The following SIPA1L3 variants were observed in gnomAD, a reference collection of about 807,000 sequenced individuals.
SIPA1L3 encodes signal induced proliferation associated 1 like 3.
A neutral mutation model predicts 150.1 loss-of-function variants in SIPA1L3; 59 were observed. The ratio of observed to expected loss-of-function variants is 0.39; its 90% CI spans 0.32 to 0.49. The LOEUF is 0.49. Among genes scored for constraint, SIPA1L3 ranks in the 20% least tolerant of loss-of-function variants. The pLI is 0.86. For synonymous variants in SIPA1L3, 1,070 were observed against 1,077.6 expected (o/e 0.99, Z 0.14); for missense variants, 2,211 against 2,489.5 (o/e 0.89, Z 2.38).
intron 3 of SIPA1L3, among the ~76,000 whole-genome samples, chr19:38,084,115 G>C (rs1166504999): frequency 1.4e-5 from 2 of 141,606 alleles, no homozygotes; most frequent in East Asian, 3.9e-4. Context: ...GGTATGGTCA[G>C]TCTTAAGCAT....
At chr19:37,937,000 C>T (rs763026985) in intron 1 of SIPA1L3, among the ~76,000 whole-genome samples, 3 of 152,134 alleles carry the variant, frequency 2.0e-5, no homozygotes, top group East Asian at 3.8e-4. Flanking sequence ...CACTGTGACA[C>T]TTAGGCTGGA....
Position 38,119,900 on chromosome 19 carries a change from G to A in SIPA1L3, c.2868+18G>A, listed in dbSNP as rs571821591. The A allele has an allele frequency of 4.4e-5, 69 of 1,565,138 alleles. No homozygotes were observed. In the South Asian group the frequency reaches 7.5e-4, roughly 17 times the overall value. Reference sequence around the variant, plus strand: ...GACTGAAGGTAAGGGAGAGAGCCCGGCGATAGGGCGGCGATTTGTATGGTT... The same window carrying A: ...GACTGAAGGTAAGGGAGAGAGCCCGACGATAGGGCGGCGATTTGTATGGTT... On this transcript the variant is annotated intron_variant, in intron 9 of 21. Transcript: ENST00000222345.
chr19:37,949,646 C>T (rs906896117), intron 1 of SIPA1L3, among the ~76,000 whole-genome samples: 8 of 146,450 alleles, frequency 5.5e-5, no homozygotes, highest in Admixed American at 2.0e-4. Context: ...GCCTGGGAGA[C>T]GAGAGAAACT....
At chr19:38,138,593 G>GCTCTCAACTTA (rs374059533) in intron 10 of SIPA1L3, among the ~76,000 whole-genome samples, 1 of 151,154 alleles carries the variant, frequency 6.6e-6, no homozygotes, top group Admixed American at 6.6e-5. Context: ...CCCTCCCACA[G>GCTCTCAACTTA]GGGGTTTTCG....
rs552925520 is a variant in SIPA1L3 at position 38,088,740 on chromosome 19, C to T, written c.1554C>T (p.Gly518=). 19 of 1,613,810 alleles carry T rather than the reference C, an allele frequency of 1.2e-5. No individual in the cohort carries two copies. The African/African-American group carries it at 1.5e-4, about 12-fold the overall frequency. ...TCTTAGAACATGCCAATTACTTCGG[C>T]GTGGATGAGAAGCTGGGGCCAGTGG... ...FVGKEHANYF[G]VDEKLGPVAV... The change falls in exon 4 of 22, where the codon GGC becomes GGT. Residue 518 remains glycine, a synonymous_variant. Transcript: ENST00000222345.
At chr19:37,923,210 G>C (rs1175154201) in intron 1 of SIPA1L3, among the ~76,000 whole-genome samples, 1 of 152,146 alleles carries the variant, frequency 6.6e-6, no homozygotes, top group African/African-American at 2.4e-5. Context: ...AATTAAACAG[G>C]CAAAGGGCCT....
At chr19:38,105,595 C>T (rs908102138) in intron 6 of SIPA1L3, among the ~76,000 whole-genome samples, 1 of 152,186 alleles carries the variant, frequency 6.6e-6, no homozygotes, top group African/African-American at 2.4e-5. Context: ...TGCTTTTCTT[C>T]ATAGTTTTGC....
intron 1 of SIPA1L3, among the ~76,000 whole-genome samples, chr19:37,952,947 C>G (rs2046777774): frequency 6.6e-6 from 1 of 152,218 alleles, no homozygotes; most frequent in Admixed American, 6.5e-5. Flanking sequence ...ACAGAGGATT[C>G]TTGGCCGGGC....
rs34804753 is a variant in SIPA1L3 at position 37,956,482 on chromosome 19, G to GTTTTT, written c.-379+49128_-379+49129insTTTTT. Among the ~76,000 whole-genome samples the GTTTTT allele has an allele frequency of 6.4e-4, 81 of 126,880 alleles. 7 individuals carry two copies. Among genetic ancestry groups the GTTTTT allele is most frequent in the Admixed American group, 1.6e-3 (20 of 12,184 alleles). The allele number at this position is 126,880 out of a possible 152,430, so 83.2% of individuals were successfully genotyped here. A position where few individuals can be genotyped will look rare whatever the true frequency, so the allele number is the denominator to read the frequency against. ...TAGTCATGCCTTTGGAAGTATAAAA[G>GTTTTT]TTTTGTTTTTTTTTTTTTTTGAGAC... On this transcript the variant is annotated intron_variant, in intron 1 of 21. Coordinates refer to ENST00000222345, the MANE Select transcript of SIPA1L3 (RefSeq NM_015073.3).
chr19:38,097,308 C>G (rs1970402196), intron 4 of SIPA1L3, among the ~76,000 whole-genome samples: 1 of 152,024 alleles, frequency 6.6e-6, no homozygotes, highest in African/African-American at 2.4e-5. Context: ...ATGATTGTGC[C>G]ACTCCATTCC....
At chr19:38,095,316 G>A (rs770714827) in intron 4 of SIPA1L3, among the ~76,000 whole-genome samples, 10 of 152,118 alleles carry the variant, frequency 6.6e-5, no homozygotes, top group Non-Finnish European at 1.2e-4. Flanking sequence ...GAAATTAAGC[G>A]ACTTGCCCAG....
intron 20 of SIPA1L3, chr19:38,203,783 C>T (rs1221322983): frequency 3.9e-6 from 1 of 256,328 alleles, no homozygotes; most frequent in Non-Finnish European, 7.6e-6. Context: ...CAGCAGGTGT[C>T]TGTAGAGTGG....
intron 2 of SIPA1L3, among the ~76,000 whole-genome samples, chr19:38,037,745 A>G (rs1317375002): frequency 6.6e-6 from 1 of 152,186 alleles, no homozygotes; most frequent in East Asian, 1.9e-4. Context: ...ACTGCTGACC[A>G]GTAAATAGAG....
intron 12 of SIPA1L3, among the ~76,000 whole-genome samples, chr19:38,150,049 G>A (rs547091317): frequency 6.6e-6 from 1 of 152,320 alleles, no homozygotes; most frequent in South Asian, 2.1e-4. Context: ...CAGCTAGCCA[G>A]GTGTGAAGTC....
chr19:37,950,938 A>C (rs747654522), intron 1 of SIPA1L3, among the ~76,000 whole-genome samples: 4 of 152,106 alleles, frequency 2.6e-5, no homozygotes, highest in Non-Finnish European at 4.4e-5. Context: ...CTCTGGCTTC[A>C]CTCCTGGAGC....
intron 15 of SIPA1L3, among the ~76,000 whole-genome samples, chr19:38,170,545 G>C (rs1284836137): frequency 2.0e-5 from 3 of 152,214 alleles, no homozygotes; most frequent in Non-Finnish European, 4.4e-5. Flanking sequence ...ACAGCACTCT[G>C]TGGCATAGAA....
At chr19:38,115,133 C>G (rs1970855199) in intron 8 of SIPA1L3, among the ~76,000 whole-genome samples, 1 of 152,206 alleles carries the variant, frequency 6.6e-6, no homozygotes, top group Admixed American at 6.5e-5. Flanking sequence ...CACCCCCAAG[C>G]CTTGATGGGC....
At chr19:37,942,069 G>A (rs1340176649) in intron 1 of SIPA1L3, among the ~76,000 whole-genome samples, 1 of 152,166 alleles carries the variant, frequency 6.6e-6, no homozygotes, top group Non-Finnish European at 1.5e-5. Context: ...GATTTATTGT[G>A]CAGTGATGTG....
At chr19:38,192,534 G>A (rs1326094613) in intron 17 of SIPA1L3, among the ~76,000 whole-genome samples, 1 of 152,214 alleles carries the variant, frequency 6.6e-6, no homozygotes, top group Non-Finnish European at 1.5e-5. Flanking sequence ...GCCCAGGCAG[G>A]CACTCGGGAA....
Sources: allele counts gnomAD v4.1 joint callset (sites outside exome capture counted in the v4.1 genomes callset), GRCh38; gene constraint gnomAD v4.1.1; transcripts MANE v1.5; gene names NCBI Gene and HGNC (gene_info 2026-07-23, HGNC 2026-07-21).